Variants in KIFC3 observed in about 807,000 individuals in gnomAD.
KIFC3 encodes the protein kinesin family member C3.
A neutral mutation model predicts 101.8 loss-of-function variants in KIFC3; 60 were observed. That is an observed-to-expected ratio of 0.59 (90% CI 0.48 to 0.73). The LOEUF is 0.73. Among genes scored for constraint, KIFC3 ranks in the 30% least tolerant of loss-of-function variants. The pLI is 0.00. For synonymous variants in KIFC3, 476 were observed against 482.7 expected (o/e 0.99, Z 0.18); for missense variants, 966 against 1,137.1 (o/e 0.85, Z 2.16).
At chr16:57,760,084 A>G in intron 17 of KIFC3, 198 bp downstream of exon 17, 1 of 694,330 alleles carries the variant, frequency 1.4e-6, no homozygotes, top group South Asian at 1.9e-5. Flanking sequence ...GTCACCCCAC[A>G]GGAACCTCCG....
intron 3 of KIFC3, chr16:57,782,239 G>A (rs1482588476): frequency 1.8e-5 from 13 of 739,196 alleles, no homozygotes; most frequent in Non-Finnish European, 2.1e-5. Context: ...GTGAGCCCCA[G>A]TTTAGAGACT....
chr16:57,818,837 A>G (rs1187471315), intron 1 of KIFC3, among the ~76,000 whole-genome samples: 6 of 152,228 alleles, frequency 3.9e-5, no homozygotes, highest in African/African-American at 9.6e-5. Flanking sequence ...TGCCAAGCTC[A>G]TAAAACATAT....
chr16:57,785,139 C>T (rs998304289), intron 3 of KIFC3, among the ~76,000 whole-genome samples: 31 of 152,172 alleles, frequency 2.0e-4, no homozygotes, highest in African/African-American at 7.0e-4. Context: ...GGAAGCACCC[C>T]GCACCTTCCT....
At chr16:57,840,794 G>C (rs999262005) in intron 1 of KIFC3, among the ~76,000 whole-genome samples, 1 of 150,850 alleles carries the variant, frequency 6.6e-6, no homozygotes, top group Non-Finnish European at 1.5e-5. Context: ...AATAAACCTA[G>C]CACAGGTTCT....
Position 57,758,434 on chromosome 16 carries a change from G to GGGAACCCTCCTTGAA in KIFC3, c.*485_*499dup, listed in dbSNP as rs1160665807. 2.7e-6 allele frequency: 1 copy of GGGAACCCTCCTTGAA among 371,382 alleles called. No individual in the cohort carries two copies. The highest frequency in any genetic ancestry group is 5.2e-6 in the Non-Finnish European group (1 of 190,860). The allele number at this position is 371,382 out of a possible 1,614,324, so 23.0% of individuals were successfully genotyped here. On this transcript the variant is annotated 3_prime_UTR_variant, in exon 20 of 20. Transcript: ENST00000445690. ...GCGCCTCCGCACACCCCCCAGCTGC[G>GGGAACCCTCCTTGAA]GGAACCCTCCTTGAAGGAGAGGGGC...
At chr16:57,800,777 T>C (rs2054672198) in intron 1 of KIFC3, among the ~76,000 whole-genome samples, 1 of 152,070 alleles carries the variant, frequency 6.6e-6, no homozygotes, top group Non-Finnish European at 1.5e-5. Flanking sequence ...AGGTCAAAAG[T>C]ATCAAGGAAT....
intron 11 of KIFC3, 26 bp from the exon 12 acceptor site, chr16:57,764,273 G>A (rs2050198351): frequency 1.5e-6 from 2 of 1,338,964 alleles, no homozygotes; most frequent in East Asian, 2.5e-5. Context: ...GAGGGAGGCT[G>A]GTGGGGGGGC....
Position 57,771,336 on chromosome 16 carries a change from G to C in KIFC3, c.627C>G (p.Thr209=). ...SELNLEVQQK[T]DRLAEVELRL... is the part of the protein sequence containing the mutation. ...GCAGCTCCACCTCAGCCAGCCGGTCGGTCTTCTGCTGCACCTCTAGGTTCA... is the reference window on the plus strand; with the variant it reads ...GCAGCTCCACCTCAGCCAGCCGGTCCGTCTTCTGCTGCACCTCTAGGTTCA... Residue 209 remains threonine, a synonymous_variant, in exon 6 of 20, where the codon ACC becomes ACG. Coordinates refer to ENST00000445690, the MANE Select transcript of KIFC3 (RefSeq NM_001130100.2). The C allele has an allele frequency of 6.2e-7, 1 of 1,613,792 alleles. No individual in the cohort carries two copies. The highest frequency in any genetic ancestry group is 8.5e-7 in the Non-Finnish European group (1 of 1,180,046).
In KIFC3 at chr16:57,772,299, A is replaced by G; in HGVS notation, c.316-11T>C. 1 of 1,613,254 alleles carries G rather than the reference A, an allele frequency of 6.2e-7. No individual in the cohort carries two copies. The highest frequency in any genetic ancestry group is 8.5e-7 in the Non-Finnish European group (1 of 1,179,384). On this transcript the variant is annotated splice_polypyrimidine_tract_variant and intron_variant, in intron 3 of 19. Coordinates refer to ENST00000445690, the MANE Select transcript of KIFC3 (RefSeq NM_001130100.2). ...CTTCAGGTGTTCTACCTGTGGGCAC[A>G]GAGTCAGGAGCAAGGTGAGCCTCAG... is the stretch of plus-strand genomic sequence containing the variant.
At chr16:57,787,355 G>C (rs1555618246) in intron 3 of KIFC3, among the ~76,000 whole-genome samples, 1 of 152,244 alleles carries the variant, frequency 6.6e-6, no homozygotes, top group African/African-American at 2.4e-5. Flanking sequence ...TTACACAACA[G>C]GCCATGGGGC....
intron 3 of KIFC3, chr16:57,779,397 A>T (rs2052471538): frequency 6.6e-6 from 1 of 152,236 alleles, no homozygotes; most frequent in Admixed American, 6.5e-5. Context: ...ATGGCGAATG[A>T]GGAGTTACTC....
At chr16:57,810,501 G>A (rs543102492) in intron 1 of KIFC3, 19 of 189,164 alleles carry the variant, frequency 1.0e-4, no homozygotes, top group Admixed American at 4.6e-4. Flanking sequence ...TCAACCTCCC[G>A]CCCGCCCCGC....
rs1166568759 is a variant in KIFC3 at position 57,758,848 on chromosome 16, G to A, written c.*86C>T. 2 of 1,609,358 alleles carry A rather than the reference G, an allele frequency of 1.2e-6. No homozygotes were observed. ...GGCGCTGCAGCAGGGACAGGCCAGT[G>A]AGGGCCCAGCTTCAGGCCCAGCGGG... On this transcript the variant is annotated 3_prime_UTR_variant, in exon 20 of 20. Coordinates refer to ENST00000445690, the MANE Select transcript of KIFC3 (RefSeq NM_001130100.2).
At chr16:57,763,459 T>G (rs1445499412) in intron 12 of KIFC3, among the ~76,000 whole-genome samples, 1 of 152,070 alleles carries the variant, frequency 6.6e-6, no homozygotes, top group East Asian at 1.9e-4. Context: ...CCCCTTCCCC[T>G]GTCCAGACGC....
At chr16:57,824,441 G>A (rs150782685) in intron 1 of KIFC3, among the ~76,000 whole-genome samples, 1 of 152,338 alleles carries the variant, frequency 6.6e-6, no homozygotes, top group African/African-American at 2.4e-5. Context: ...CCAGCACTTT[G>A]GGAGGCCAAG....
Position 57,765,652 on chromosome 16 carries a change from G to A in KIFC3, c.1331-12C>T. On this transcript the variant is annotated splice_polypyrimidine_tract_variant and intron_variant, in intron 10 of 19. Transcript: ENST00000445690. Reference sequence around the variant, plus strand: ...CACTCGGATGTTCCCTGGATTGGTTGGGGATGGGGAAATGGGTCCAGGCCA... The same window carrying A: ...CACTCGGATGTTCCCTGGATTGGTTAGGGATGGGGAAATGGGTCCAGGCCA... 6.2e-7 allele frequency: 1 copy of A among 1,603,660 alleles called. No homozygotes were observed. Among genetic ancestry groups the A allele is most frequent in the African/African-American group, 1.3e-5 (1 of 74,938 alleles).
intron 1 of KIFC3, among the ~76,000 whole-genome samples, chr16:57,850,574 C>T (rs1303584442): frequency 7.5e-6 from 1 of 134,014 alleles, no homozygotes; most frequent in Non-Finnish European, 1.5e-5. Context: ...CCACCAGGTT[C>T]AAGCGATTCT....
chr16:57,839,983 G>A (rs888258126), intron 1 of KIFC3, among the ~76,000 whole-genome samples: 1 of 151,940 alleles, frequency 6.6e-6, no homozygotes, highest in African/African-American at 2.4e-5. Flanking sequence ...TTGTCCCCTC[G>A]CTGGCCCATT....
At chr16:57,837,906 G>C (rs1481169764) in intron 1 of KIFC3, among the ~76,000 whole-genome samples, 1 of 152,158 alleles carries the variant, frequency 6.6e-6, no homozygotes, top group Non-Finnish European at 1.5e-5. Context: ...TGAGGCTCAA[G>C]TGGAGGGCCA....
Sources: gnomAD v4.1 joint callset for allele counts (sites outside exome capture counted in the v4.1 genomes callset) on GRCh38, gnomAD v4.1.1 for gene constraint, MANE v1.5 for transcripts, NCBI Gene and HGNC (gene_info 2026-07-23, HGNC 2026-07-21) for gene names.